Variants in ARHGEF33 observed in about 807,000 individuals in gnomAD.
ARHGEF33 encodes Rho guanine nucleotide exchange factor 33.
A neutral mutation model predicts 101.9 loss-of-function variants in ARHGEF33; 72 were observed. The ratio of observed to expected loss-of-function variants is 0.71; its 90% CI spans 0.58 to 0.86. The LOEUF is 0.86. Ranked by LOEUF, ARHGEF33 falls within the 40% of genes least tolerant of loss-of-function variation. The pLI, the probability that ARHGEF33 is intolerant of heterozygous loss-of-function variation, is 0.00. For missense variants in ARHGEF33, 1,169 were observed against 1,111.3 expected (o/e 1.05, Z -0.74); for synonymous variants, 499 against 442.5 (o/e 1.13, Z -1.60).
intron 7 of ARHGEF33, among the ~76,000 whole-genome samples, chr2:38,933,194 C>T (rs1667045483): frequency 6.6e-6 from 1 of 152,156 alleles, no homozygotes; most frequent in Admixed American, 6.5e-5. Context: ...CCATGGCTGT[C>T]ATCTCAGGTG....
At chr2:38,914,017 C>T (rs1194878246) in intron 2 of ARHGEF33, among the ~76,000 whole-genome samples, 1 of 152,010 alleles carries the variant, frequency 6.6e-6, no homozygotes, top group East Asian at 1.9e-4. Flanking sequence ...TAGAGATGCT[C>T]AATAGCACCA....
chr2:38,967,917 G>A (rs545904050), intron 17 of ARHGEF33, among the ~76,000 whole-genome samples: 1 of 149,106 alleles, frequency 6.7e-6, no homozygotes, highest in Non-Finnish European at 1.5e-5. Flanking sequence ...AAAATCCTAA[G>A]GGCACAGCTT....
chr2:38,915,698 A>G (rs1204600538), intron 2 of ARHGEF33, among the ~76,000 whole-genome samples: 1 of 152,040 alleles, frequency 6.6e-6, no homozygotes, highest in Non-Finnish European at 1.5e-5. Flanking sequence ...TGCTTTTGTA[A>G]TTTACTAAAT....
At chr2:38,910,935 T>G (rs777927884) in intron 2 of ARHGEF33, among the ~76,000 whole-genome samples, 1 of 152,202 alleles carries the variant, frequency 6.6e-6, no homozygotes, top group Non-Finnish European at 1.5e-5. Flanking sequence ...CTGGTCTTAC[T>G]TGAAGCGACT....
intron 9 of ARHGEF33, among the ~76,000 whole-genome samples, chr2:38,942,159 CCTTT>C (rs1370915925): frequency 6.3e-5 from 9 of 143,778 alleles, no homozygotes; most frequent in Admixed American, 3.6e-4. Context: ...ATACATCTCT[CCTTT>C]CTTTTTTTTT....
At chr2:38,927,108 T>A (rs1035167828) in intron 4 of ARHGEF33, among the ~76,000 whole-genome samples, 1 of 152,202 alleles carries the variant, frequency 6.6e-6, no homozygotes, top group Non-Finnish European at 1.5e-5. Flanking sequence ...GCTTATGATG[T>A]TTCCCAGCCT....
At chr2:38,892,190 A>G (rs950171340) in intron 1 of ARHGEF33, among the ~76,000 whole-genome samples, 1 of 152,182 alleles carries the variant, frequency 6.6e-6, no homozygotes, top group Admixed American at 6.5e-5. Flanking sequence ...TTTGGGGCCT[A>G]CTTATCTCAA....
At chr2:38,960,777 C>T (rs1275919392) in intron 16 of ARHGEF33, 129 bp downstream of exon 16, 3 of 777,598 alleles carry the variant, frequency 3.9e-6, no homozygotes, top group South Asian at 3.6e-5. Context: ...CTGCGCGAGC[C>T]GTCGGCGGGT....
intron 11 of ARHGEF33, among the ~76,000 whole-genome samples, chr2:38,951,559 G>T (rs1667605801): frequency 6.6e-6 from 1 of 151,560 alleles, no homozygotes; most frequent in African/African-American, 2.4e-5. Flanking sequence ...TTGAACCCAG[G>T]ACTTCAAAAC....
intron 2 of ARHGEF33, among the ~76,000 whole-genome samples, chr2:38,903,489 C>G (rs1395033874): frequency 2.0e-5 from 3 of 151,622 alleles, no homozygotes; most frequent in Non-Finnish European, 4.4e-5. Context: ...GTTTTGGAGA[C>G]AGGAGCATCC....
chr2:38,944,342 G>A (rs1572764824), intron 10 of ARHGEF33, among the ~76,000 whole-genome samples: 1 of 152,142 alleles, frequency 6.6e-6, no homozygotes, highest in African/African-American at 2.4e-5. Flanking sequence ...GTCTTCCAGA[G>A]AGGAGGAACA....
intron 7 of ARHGEF33, among the ~76,000 whole-genome samples, chr2:38,932,427 T>A (rs1667028685): frequency 7.0e-6 from 1 of 142,328 alleles, no homozygotes; most frequent in Admixed American, 6.9e-5. Context: ...GTGCCCGGCT[T>A]GCCTTTTTAT....
chr2:38,955,701 G>C (rs1343833956), intron 13 of ARHGEF33, among the ~76,000 whole-genome samples: 1 of 151,246 alleles, frequency 6.6e-6, no homozygotes, highest in South Asian at 2.1e-4. Flanking sequence ...TTTTGAGATG[G>C]AGTCTCACTC....
chr2:38,929,069 A>T lies in ARHGEF33; in HGVS notation c.238A>T (p.Lys80Ter), dbSNP rs555575501. The T allele has an allele frequency of 6.5e-7, 1 of 1,546,168 alleles. No individual in the cohort carries two copies. The highest frequency in any genetic ancestry group is 8.7e-7 in the Non-Finnish European group (1 of 1,144,728). The change falls in exon 5 of 18, where the codon AAG becomes TAG. Residue 80 changes from lysine (K) to a stop codon, truncating the protein, a stop_gained and splice_region_variant. Transcript: ENST00000409978. LOFTEE classifies it high-confidence loss of function. ...GATGAAGAATTCATTAAACTATTTC[A>T]AGGTAGGCCTCTCTTTAATTTCCCT... Reference protein sequence around the residue: ...TEMKNSLNYFKEELSNAMSMI... With the variant: ...TEMKNSLNYF
At chr2:38,970,478 C>G (rs1668143695) in intron 17 of ARHGEF33, among the ~76,000 whole-genome samples, 1 of 152,218 alleles carries the variant, frequency 6.6e-6, no homozygotes. Flanking sequence ...GGGGTTCTCT[C>G]TCATTTTCCA....
chr2:38,959,872 C>A lies in ARHGEF33; in HGVS notation c.1567C>A (p.Gln523Lys). Residue 523 changes from glutamine to lysine, a missense_variant, in exon 16 of 18, where the codon CAG (glutamine) becomes AAG (lysine). Gln to Lys is a moderately conservative substitution (Grantham distance 53, BLOSUM62 1). Transcript: ENST00000409978. ...GATGCCCCCAGTGAAGAAAAGCCAACAGCAGCAAAGCCTGATGGAGAGCAT... is the reference window on the plus strand; with the variant it reads ...GATGCCCCCAGTGAAGAAAAGCCAAAAGCAGCAAAGCCTGATGGAGAGCAT... ...HLMPPVKKSQ[Q>K]QQSLMESMQP... 1 of 1,550,928 alleles carries A rather than the reference C, an allele frequency of 6.4e-7. No individual in the cohort carries two copies. The highest frequency in any genetic ancestry group is 8.7e-7 in the Non-Finnish European group (1 of 1,146,280).
intron 9 of ARHGEF33, among the ~76,000 whole-genome samples, chr2:38,940,554 C>T (rs1181424402): frequency 2.0e-5 from 3 of 151,866 alleles, no homozygotes; most frequent in Admixed American, 6.6e-5. Context: ...CTCCTCTGTT[C>T]GATTCCTGTT....
At chr2:38,954,249 T>C (rs1667685268) in intron 12 of ARHGEF33, 124 bp from the exon 13 acceptor site, 1 of 654,206 alleles carries the variant, frequency 1.5e-6, no homozygotes. Flanking sequence ...CAATGCTCTA[T>C]GACAATCTCT....
intron 10 of ARHGEF33, among the ~76,000 whole-genome samples, chr2:38,946,711 C>T (rs562800245): frequency 6.6e-6 from 1 of 152,262 alleles, no homozygotes; most frequent in East Asian, 1.9e-4. Flanking sequence ...CTGTAACCTC[C>T]ACTTCCCGGG....
Sources: gnomAD v4.1 joint callset for allele counts (sites outside exome capture counted in the v4.1 genomes callset) on GRCh38, gnomAD v4.1.1 for gene constraint, MANE v1.5 for transcripts, NCBI Gene and HGNC (gene_info 2026-07-23, HGNC 2026-07-21) for gene names.